Variants in RYR2 observed in about 807,000 individuals in gnomAD.
RYR2 encodes ryanodine receptor 2.
RYR2 carries 227 observed loss-of-function variants against 601.1 expected under a neutral mutation model. The observed-to-expected ratio is 0.38, with a 90% CI of 0.34 to 0.42. The LOEUF (loss-of-function observed/expected upper bound fraction) is 0.42, where lower values mean the gene tolerates loss of function less well. Ranked by LOEUF, RYR2 falls within the 10% of genes least tolerant of loss-of-function variation. The pLI, the probability that RYR2 is intolerant of heterozygous loss-of-function variation, is 1.00. For synonymous variants in RYR2, 2,223 were observed against 2,175.1 expected, an observed-to-expected ratio of 1.02 and a Z score of -0.61; for missense variants, 4,646 against 6,156.5, an observed-to-expected ratio of 0.75 and a Z score of 8.21.
chr1:237,371,330 AT>A (rs2149765528), intron 6 of RYR2, among the ~76,000 whole-genome samples: 1 of 152,022 alleles, frequency 6.6e-6, no homozygotes, highest in East Asian at 2.0e-4. Flanking sequence ...TAATTTTTAA[AT>A]TTATTGTAGA....
At chr1:237,309,606 C>T (rs899789795) in intron 2 of RYR2, among the ~76,000 whole-genome samples, 21 of 152,242 alleles carry the variant, frequency 1.4e-4, no homozygotes, top group Non-Finnish European at 2.1e-4. Context: ...GCGGAGCTGC[C>T]ACCAGTCCCG....
intron 1 of RYR2, among the ~76,000 whole-genome samples, chr1:237,117,518 A>T (rs146801846): frequency 0.011 from 1,622 of 152,278 alleles, 32 homozygotes; most frequent in African/African-American, 0.037. Flanking sequence ...ATGAGGCTTC[A>T]TGCCCTGGAC....
intron 13 of RYR2, among the ~76,000 whole-genome samples, chr1:237,441,895 C>G (rs2150149607): frequency 6.6e-6 from 1 of 151,258 alleles, no homozygotes; most frequent in African/African-American, 2.4e-5. Flanking sequence ...GGGGCGGGGT[C>G]AGAAAGGAAA....
chr1:237,575,968 AAAAGT>A (rs1673178966), intron 29 of RYR2, among the ~76,000 whole-genome samples: 3 of 151,786 alleles, frequency 2.0e-5, no homozygotes, highest in Non-Finnish European at 2.9e-5. Context: ...AGCAGTTAAG[AAAAGT>A]AAATTAAAGA....
At chr1:237,455,513 C>T (rs1572404913) in intron 15 of RYR2, among the ~76,000 whole-genome samples, 2 of 152,014 alleles carry the variant, frequency 1.3e-5, no homozygotes, top group Non-Finnish European at 1.5e-5. Context: ...CTTCAAACCC[C>T]AGTGACACGC....
At chr1:237,272,437 G>C (rs535797029) in intron 2 of RYR2, among the ~76,000 whole-genome samples, 4 of 151,982 alleles carry the variant, frequency 2.6e-5, no homozygotes, top group East Asian at 3.9e-4. Flanking sequence ...TGAAAAAAAG[G>C]CTACACTCTC....
In RYR2 at chr1:237,548,596, T is replaced by C. The variant is rs1225175156; in HGVS notation, c.3066+6T>C. ...GGACTTATGGCATCCAACAGGTACATGGGAATTAGCATTTGGTCTGAGACT... is the reference window on the plus strand; with the variant it reads ...GGACTTATGGCATCCAACAGGTACACGGGAATTAGCATTTGGTCTGAGACT... On this transcript the variant is annotated splice_donor_region_variant and intron_variant, in intron 26 of 104. Coordinates refer to ENST00000366574, the MANE Select transcript of RYR2 (RefSeq NM_001035.3). 6.2e-7 allele frequency: 1 copy of C among 1,613,232 alleles called. No individual in the cohort carries two copies. Among genetic ancestry groups the C allele is most frequent in the Admixed American group, 1.7e-5 (1 of 59,936 alleles).
rs1285175845 is a variant in RYR2, at chr1:237,106,779, C to G, written c.48+64210C>G. Among the ~76,000 whole-genome samples, 1 of 152,178 alleles carries G rather than the reference C, an allele frequency of 6.6e-6. No homozygotes were observed. Among genetic ancestry groups the G allele is most frequent in the Non-Finnish European group, 1.5e-5 (1 of 68,040 alleles). On this transcript the variant is annotated intron_variant, in intron 1 of 104. Transcript: ENST00000366574. The surrounding 1 kb of genome is among the most constrained non-coding windows in gnomAD (Gnocchi z 4.4). ...CCTCACAGTTCTGGATGCTGGGAAG[C>G]CCAAGATCAGAGTGCCAGCAATTTG...
intron 1 of RYR2, among the ~76,000 whole-genome samples, chr1:237,223,277 C>T (rs1684015255): frequency 6.6e-6 from 1 of 152,180 alleles, no homozygotes; most frequent in Non-Finnish European, 1.5e-5. Context: ...GGTCTTCTTG[C>T]TGTGTCCTCG....
At chr1:237,156,003 T>G (rs750268065) in intron 1 of RYR2, among the ~76,000 whole-genome samples, 1 of 152,212 alleles carries the variant, frequency 6.6e-6, no homozygotes, top group Non-Finnish European at 1.5e-5. Context: ...TGCTGTTCCC[T>G]CTGCTGAACC....
intron 5 of RYR2, among the ~76,000 whole-genome samples, chr1:237,365,139 C>G (rs1279105584): frequency 2.0e-5 from 3 of 151,938 alleles, no homozygotes; most frequent in Non-Finnish European, 2.9e-5. Flanking sequence ...ATTTTTTTAT[C>G]TTAAAAGCCA....
intron 1 of RYR2, among the ~76,000 whole-genome samples, chr1:237,217,262 G>T (rs1477169236): frequency 2.0e-5 from 3 of 151,888 alleles, no homozygotes; most frequent in African/African-American, 4.8e-5. Flanking sequence ...GATGACTCAG[G>T]CTATAGGTAG....
intron 25 of RYR2, among the ~76,000 whole-genome samples, chr1:237,532,259 G>A (rs1668206425): frequency 6.6e-6 from 1 of 152,102 alleles, no homozygotes; most frequent in African/African-American, 2.4e-5. Flanking sequence ...ATTACATTAT[G>A]TATTCACGTA....
At chr1:237,541,636 A>G (rs2148031736) in intron 25 of RYR2, among the ~76,000 whole-genome samples, 1 of 152,208 alleles carries the variant, frequency 6.6e-6, no homozygotes, top group African/African-American at 2.4e-5. Context: ...TAAAGCTTTT[A>G]ATCACCTGGG....
chr1:237,699,566 T>C (rs1431473897), intron 64 of RYR2, among the ~76,000 whole-genome samples: 1 of 152,238 alleles, frequency 6.6e-6, no homozygotes, highest in Non-Finnish European at 1.5e-5. Flanking sequence ...CAGCCATACA[T>C]TTAGTTTATA....
intron 12 of RYR2, among the ~76,000 whole-genome samples, chr1:237,440,221 G>T (rs1415373872): frequency 6.6e-6 from 1 of 151,988 alleles, no homozygotes; most frequent in Admixed American, 6.6e-5. Flanking sequence ...AAACCTTGGG[G>T]TTATTTTAAA....
intron 66 of RYR2, 86 bp downstream of exon 66, chr1:237,702,145 T>A (rs1356219118): frequency 1.3e-6 from 1 of 774,578 alleles, no homozygotes; most frequent in Non-Finnish European, 2.2e-6. Context: ...TTTCATAACC[T>A]GTTTCCTAGT....
At chr1:237,424,088 C>T (rs139899014) in intron 12 of RYR2, among the ~76,000 whole-genome samples, 186 of 152,168 alleles carry the variant, frequency 1.2e-3, no homozygotes, top group African/African-American at 3.8e-3. Flanking sequence ...GGGGGAAACT[C>T]GCCCCATGAT....
intron 12 of RYR2, among the ~76,000 whole-genome samples, chr1:237,433,037 G>T (rs1406536044): frequency 2.7e-5 from 4 of 150,458 alleles, no homozygotes; most frequent in Admixed American, 6.6e-5. Flanking sequence ...CTGTGTGTGG[G>T]GGGGGGTATC....
Sources: allele counts gnomAD v4.1 joint callset (sites outside exome capture counted in the v4.1 genomes callset), GRCh38; gene constraint gnomAD v4.1.1; non-coding constraint Gnocchi (gnomAD v3.1); transcripts MANE v1.5; gene names NCBI Gene and HGNC (gene_info 2026-07-23, HGNC 2026-07-21).